The following CADPS2 variants were observed in gnomAD, a reference collection of about 807,000 sequenced individuals.
CADPS2 encodes calcium-dependent secretion activator 2.
CADPS2 carries 93 observed loss-of-function variants against 172.5 expected under a neutral mutation model. The ratio of observed to expected loss-of-function variants is 0.54; its 90% CI spans 0.46 to 0.64. CADPS2 has a LOEUF of 0.64. CADPS2 is among the 30% of genes least tolerant of loss of function. The probability of loss-of-function intolerance (pLI) is 0.00; values close to 1 mark genes in which losing one functional copy is unlikely to be tolerated. For synonymous variants in CADPS2, 546 were observed against 555.2 expected, an observed-to-expected ratio of 0.98 and a Z score of 0.23; for missense variants, 1,420 against 1,565.9, an observed-to-expected ratio of 0.91 and a Z score of 1.57.
chr7:122,875,519 G>C (rs1432649751), intron 1 of CADPS2, among the ~76,000 whole-genome samples: 1 of 152,038 alleles, frequency 6.6e-6, no homozygotes, highest in African/African-American at 2.4e-5. Flanking sequence ...TAGATATATA[G>C]CAAACTTTTT....
At chr7:122,562,781 C>T (rs1309751570) in intron 7 of CADPS2, among the ~76,000 whole-genome samples, 2 of 151,952 alleles carry the variant, frequency 1.3e-5, no homozygotes, top group East Asian at 1.9e-4. Flanking sequence ...CTTGCACACA[C>T]CTGAAGCATT....
At chr7:122,479,705 T>C (rs2057071981) in intron 12 of CADPS2, among the ~76,000 whole-genome samples, 1 of 152,124 alleles carries the variant, frequency 6.6e-6, no homozygotes, top group Non-Finnish European at 1.5e-5. Context: ...ATAAGCAAAG[T>C]AAACCAATAT....
intron 6 of CADPS2, among the ~76,000 whole-genome samples, chr7:122,586,334 C>T (rs963219453): frequency 6.6e-6 from 1 of 151,856 alleles, no homozygotes; most frequent in African/African-American, 2.4e-5. Flanking sequence ...CCTGCCCTGC[C>T]TTCTCAACAG....
intron 2 of CADPS2, chr7:122,702,312 T>C (rs749833131): frequency 6.2e-7 from 1 of 1,613,770 alleles, no homozygotes; most frequent in Non-Finnish European, 8.5e-7. Context: ...ATATTTTCCG[T>C]CCCCTGGTGA....
intron 28 of CADPS2, among the ~76,000 whole-genome samples, chr7:122,342,781 A>T (rs920997045): frequency 2.0e-5 from 3 of 152,136 alleles, no homozygotes; most frequent in Admixed American, 2.0e-4. Flanking sequence ...AGTTAACAAG[A>T]TCCATTTACT....
chr7:122,425,478 G>T (rs1283038693), intron 17 of CADPS2, among the ~76,000 whole-genome samples: 1 of 150,230 alleles, frequency 6.7e-6, no homozygotes. Flanking sequence ...GTGTGTGCCT[G>T]TGGTCCCAAG....
At chr7:122,688,734 G>A (rs2083943707) in intron 2 of CADPS2, among the ~76,000 whole-genome samples, 1 of 150,536 alleles carries the variant, frequency 6.6e-6, no homozygotes, top group Non-Finnish European at 1.5e-5. Flanking sequence ...CAAATGATGA[G>A]CCTTCCCATT....
chr7:122,479,978 T>C, intron 12 of CADPS2: 1 of 328,144 alleles, frequency 3.0e-6, no homozygotes, highest in Admixed American at 3.3e-5. Context: ...ACACATTGTA[T>C]TATGTTACAT....
chr7:122,559,482 A>C (rs2065446519), intron 7 of CADPS2, among the ~76,000 whole-genome samples: 1 of 152,110 alleles, frequency 6.6e-6, no homozygotes, highest in South Asian at 2.1e-4. Context: ...AAAAGATAAG[A>C]AGAGAGGGCC....
intron 5 of CADPS2, among the ~76,000 whole-genome samples, chr7:122,616,159 T>A (rs1554666206): frequency 6.6e-6 from 1 of 152,132 alleles, no homozygotes; most frequent in Non-Finnish European, 1.5e-5. Context: ...CATGAACTCT[T>A]CTAAATTCTC....
chr7:122,529,878 C>T (rs1474413213), intron 8 of CADPS2, among the ~76,000 whole-genome samples: 8 of 152,080 alleles, frequency 5.3e-5, no homozygotes, highest in Non-Finnish European at 7.4e-5. Flanking sequence ...ACAAGAATTG[C>T]ACTATAATGT....
chr7:122,365,163 C>G (rs1406590245), intron 25 of CADPS2, among the ~76,000 whole-genome samples: 4 of 152,188 alleles, frequency 2.6e-5, no homozygotes, highest in South Asian at 2.1e-4. Context: ...CAAGTTAGTC[C>G]TAGGTGTGAA....
intron 25 of CADPS2, among the ~76,000 whole-genome samples, chr7:122,374,809 G>C (rs2042162767): frequency 6.6e-6 from 1 of 152,046 alleles, no homozygotes; most frequent in Non-Finnish European, 1.5e-5. Flanking sequence ...CACTATGGCA[G>C]GTGTATACCT....
intron 27 of CADPS2, among the ~76,000 whole-genome samples, chr7:122,347,447 C>G (rs1052637156): frequency 1.3e-5 from 2 of 152,074 alleles, no homozygotes; most frequent in African/African-American, 4.8e-5. Context: ...TTACTGCAAT[C>G]TCTTACTGTT....
intron 27 of CADPS2, 86 bp downstream of exon 27, chr7:122,360,702 A>T: frequency 2.4e-6 from 3 of 1,234,506 alleles, no homozygotes; most frequent in South Asian, 1.4e-5. Context: ...GCACTGGTTT[A>T]AAGATTTGAA....
chr7:122,514,340 G>A (rs1028325379), intron 8 of CADPS2, among the ~76,000 whole-genome samples: 2 of 151,732 alleles, frequency 1.3e-5, no homozygotes, highest in African/African-American at 2.4e-5. Context: ...TTTTTTAAAG[G>A]AGCATTATGA....
At chr7:122,867,824 T>C (rs1453153889) in intron 1 of CADPS2, among the ~76,000 whole-genome samples, 2 of 152,112 alleles carry the variant, frequency 1.3e-5, no homozygotes, top group African/African-American at 2.4e-5. Context: ...CCAACAACAA[T>C]GAAAGAGAAA....
At chr7:122,411,962 G>C (rs918035871) in intron 19 of CADPS2, among the ~76,000 whole-genome samples, 1 of 152,142 alleles carries the variant, frequency 6.6e-6, no homozygotes, top group Admixed American at 6.5e-5. Context: ...CAAAACATGA[G>C]AATGTAAAGT....
At position 122,393,068 on chromosome 7, in the gene CADPS2, A is replaced by T. The variant is rs1263187814; in HGVS notation, c.3008+128T>A. The T allele has an allele frequency of 6.2e-6, 7 of 1,137,862 alleles. No individual in the cohort carries two copies. In the Admixed American group the frequency reaches 9.0e-5, roughly 15 times the overall value. The allele number at this position is 1,137,862 out of a possible 1,614,324, so 70.5% of individuals were successfully genotyped here. On this transcript the variant is annotated intron_variant, in intron 22 of 29. Transcript: ENST00000449022. ...CTTACTAGCTTAAAAACTCAAATAAAAAAAAAAAAACAGTATTCCTCAACC... is the reference window on the plus strand; with the variant it reads ...CTTACTAGCTTAAAAACTCAAATAATAAAAAAAAAACAGTATTCCTCAACC...
Sources: allele counts gnomAD v4.1 joint callset (sites outside exome capture counted in the v4.1 genomes callset), GRCh38; gene constraint gnomAD v4.1.1; transcripts MANE v1.5; gene names NCBI Gene and HGNC (gene_info 2026-07-23, HGNC 2026-07-21).